MAGI2: variants seen among roughly 807,000 people sequenced by gnomAD.
The protein encoded by MAGI2 is membrane associated guanylate kinase, WW and PDZ domain containing 2.
In MAGI2, 35 loss-of-function variants were observed where a neutral mutation model predicts 133.3. The ratio of observed to expected loss-of-function variants is 0.26; its 90% CI spans 0.20 to 0.35. MAGI2 has a LOEUF of 0.35. Ranked by LOEUF, MAGI2 falls within the 10% of genes least tolerant of loss-of-function variation. MAGI2 has a pLI of 1.00. For missense variants in MAGI2, 1,636 were observed against 1,863.4 expected (o/e 0.88, Z 2.25); for synonymous variants, 729 against 710.6 (o/e 1.03, Z -0.41).
At chr7:78,478,222 G>A (rs1201519735) in intron 6 of MAGI2, among the ~76,000 whole-genome samples, 1 of 151,816 alleles carries the variant, frequency 6.6e-6, no homozygotes. Flanking sequence ...TCTTGTGTTA[G>A]TTTGCTGAGA....
chr7:78,529,667 GGTT>G (rs1797276039), intron 3 of MAGI2, among the ~76,000 whole-genome samples: 2 of 56,320 alleles, frequency 3.6e-5, no homozygotes, highest in African/African-American at 1.3e-4. Context: ...TAAAGGAGAT[GGTT>G]TTTTTTTTTT....
intron 9 of MAGI2, among the ~76,000 whole-genome samples, chr7:78,267,885 G>A (rs559569075): frequency 6.0e-4 from 91 of 152,200 alleles, no homozygotes; most frequent in Non-Finnish European, 1.1e-3. Flanking sequence ...CAAATGGCAC[G>A]GAGGAAAACA....
chr7:78,335,092 G>C (rs977845257), intron 9 of MAGI2, among the ~76,000 whole-genome samples: 8 of 152,240 alleles, frequency 5.3e-5, no homozygotes, highest in African/African-American at 1.7e-4. Context: ...AGTTGTAACA[G>C]AGACCATCTG....
At chr7:78,136,119 C>CTTT (rs35457952) in intron 16 of MAGI2, among the ~76,000 whole-genome samples, 1 of 141,770 alleles carries the variant, frequency 7.1e-6, no homozygotes. Context: ...TTTCTTTCTT[C>CTTT]TTTTTTTTTT....
chr7:78,256,016 G>T lies in MAGI2; in HGVS notation c.1974C>A (p.Ser658Arg). 1 of 1,613,616 alleles carries T rather than the reference G, an allele frequency of 6.2e-7. No homozygotes were observed. Among genetic ancestry groups the T allele is most frequent in the Non-Finnish European group, 8.5e-7 (1 of 1,179,846 alleles). Residue 658 changes from serine to arginine, a missense_variant, in exon 10 of 22, where the codon AGC becomes AGA. Physicochemically the swap from Ser to Arg is moderately radical, Grantham distance 110. Coordinates refer to ENST00000354212, the MANE Select transcript of MAGI2 (RefSeq NM_012301.4). The stretch of plus-strand genomic sequence containing the variant: ...TAAGTATATCCACTACTTCTGTATG[G>T]CTCAGGTTCTGTACATTCTGCTGGT... ...EINQQNVQNL[S>R]HTEVVDILKD...
chr7:79,382,492 A>G (rs1528278), intron 1 of MAGI2, among the ~76,000 whole-genome samples: 21,032 of 151,476 alleles, frequency 0.14, 1,580 homozygotes, highest in South Asian at 0.25. Context: ...TCTGGAGTCA[A>G]TGCTTGGGAC....
intron 7 of MAGI2, among the ~76,000 whole-genome samples, chr7:78,368,023 A>T (rs955854152): frequency 6.6e-6 from 1 of 152,192 alleles, no homozygotes; most frequent in Non-Finnish European, 1.5e-5. Context: ...AGCAGATTGC[A>T]TGTGGAAAAT....
chr7:78,857,677 A>T (rs1417781406), intron 2 of MAGI2, among the ~76,000 whole-genome samples: 2 of 152,116 alleles, frequency 1.3e-5, no homozygotes, highest in Non-Finnish European at 2.9e-5. Flanking sequence ...GAGGATATTT[A>T]CATCGATGTT....
chr7:79,332,463 T>C (rs939809134), intron 1 of MAGI2, among the ~76,000 whole-genome samples: 6 of 152,218 alleles, frequency 3.9e-5, no homozygotes, highest in Admixed American at 3.3e-4. Context: ...TTTGTGGCAC[T>C]TGATTTCCAG....
At chr7:78,298,490 A>G (rs934908889) in intron 9 of MAGI2, among the ~76,000 whole-genome samples, 4 of 152,142 alleles carry the variant, frequency 2.6e-5, no homozygotes, top group Non-Finnish European at 5.9e-5. Flanking sequence ...TGTCTTCACA[A>G]TTTTTCTATA....
chr7:78,715,775 C>T (rs1354247882), intron 2 of MAGI2, among the ~76,000 whole-genome samples: 4 of 90,860 alleles, frequency 4.4e-5, no homozygotes, highest in Non-Finnish European at 1.0e-4. Context: ...TAAAAATTCT[C>T]AAATAACTGG....
At chr7:78,495,028 G>A (rs1023892811) in intron 5 of MAGI2, among the ~76,000 whole-genome samples, 10 of 152,196 alleles carry the variant, frequency 6.6e-5, no homozygotes, top group African/African-American at 2.2e-4. Context: ...AACTCAAAAT[G>A]TCTGTGGATG....
chr7:78,540,430 G>A (rs747622146), intron 3 of MAGI2, among the ~76,000 whole-genome samples: 6 of 152,108 alleles, frequency 3.9e-5, no homozygotes, highest in Admixed American at 1.3e-4. Flanking sequence ...CTCCCACTGT[G>A]CCCCACCAAC....
At chr7:78,135,927 T>C (rs1332286917) in intron 16 of MAGI2, among the ~76,000 whole-genome samples, 1 of 152,118 alleles carries the variant, frequency 6.6e-6, no homozygotes, top group Non-Finnish European at 1.5e-5. Context: ...ATGCCATGGA[T>C]GGTAAGACAC....
chr7:78,061,754 T>C (rs1813296476), intron 21 of MAGI2, among the ~76,000 whole-genome samples: 1 of 151,722 alleles, frequency 6.6e-6, no homozygotes, highest in Non-Finnish European at 1.5e-5. Context: ...AGGGCTGTTA[T>C]GGGTGGAAAG....
chr7:78,783,012 C>CTTTTTTTTTTTTTTTTTTTTTTT (rs11432048), intron 2 of MAGI2, among the ~76,000 whole-genome samples: 4 of 96,236 alleles, frequency 4.2e-5, no homozygotes, highest in Non-Finnish European at 5.8e-5. Flanking sequence ...TGATTCTTAC[C>CTTTTTTTTTTTTTTTTTTTTTTT]TTTTTTTTTT....
At chr7:79,013,610 A>C (rs1166344112) in intron 1 of MAGI2, among the ~76,000 whole-genome samples, 1 of 152,220 alleles carries the variant, frequency 6.6e-6, no homozygotes, top group Admixed American at 6.5e-5. Flanking sequence ...GCTAAGAGCC[A>C]CAGACACAAA....
intron 1 of MAGI2, among the ~76,000 whole-genome samples, chr7:79,291,458 A>C (rs867722698): frequency 6.6e-6 from 1 of 152,130 alleles, no homozygotes; most frequent in Non-Finnish European, 1.5e-5. Context: ...GTCTTATGGC[A>C]ACTTTCTGTT....
intron 1 of MAGI2, among the ~76,000 whole-genome samples, chr7:79,272,196 C>T (rs1476661789): frequency 6.6e-6 from 1 of 151,964 alleles, no homozygotes; most frequent in Admixed American, 6.6e-5. Context: ...CTTTATGAAA[C>T]CCATTGTCTT....
Sources: allele counts gnomAD v4.1 joint callset (sites outside exome capture counted in the v4.1 genomes callset), GRCh38; gene constraint gnomAD v4.1.1; transcripts MANE v1.5; gene names NCBI Gene and HGNC (gene_info 2026-07-23, HGNC 2026-07-21).